The following SRGAP3 variants were observed in gnomAD, a reference collection of about 807,000 sequenced individuals.
SRGAP3 encodes SLIT-ROBO Rho GTPase-activating protein 3.
Under a neutral mutation model 121.1 loss-of-function variants are expected in SRGAP3, and 39 were observed. The observed-to-expected ratio is 0.32, with a 90% confidence interval of 0.25 to 0.42. The LOEUF is 0.42. Among genes scored for constraint, SRGAP3 ranks in the 10% least tolerant of loss-of-function variants. The pLI is 1.00. For missense variants in SRGAP3, 1,213 were observed against 1,470.6 expected (o/e 0.82, Z 2.86); for synonymous variants, 601 against 570.0 (o/e 1.05, Z -0.77).
intron 3 of SRGAP3, among the ~76,000 whole-genome samples, chr3:9,323,923 C>T (rs1182871604): frequency 2.0e-5 from 3 of 151,626 alleles, no homozygotes; most frequent in East Asian, 3.9e-4. Flanking sequence ...GAGCAATGAA[C>T]GATTTGCGAA....
chr3:9,306,559 A>G (rs969755479), intron 3 of SRGAP3, among the ~76,000 whole-genome samples: 5 of 152,220 alleles, frequency 3.3e-5, no homozygotes, highest in Admixed American at 3.3e-4. Flanking sequence ...TATAACATTT[A>G]AGTCTTTAAT....
rs78716729 is a variant in SRGAP3 at position 9,239,555 on chromosome 3, C to T, written c.67+9330G>A. Among the ~76,000 whole-genome samples, 1,123 of 152,240 alleles carry T rather than the reference C, an allele frequency of 7.4e-3. 4 individuals are homozygous for T. The highest frequency in any genetic ancestry group is 0.013 in the Non-Finnish European group (871 of 68,018). ...ATCACCTAGCACTGGCTATGCAATCCCAGGGGGAAGAGCCAGGTCCATTCA... is the reference window on the plus strand; with the variant it reads ...ATCACCTAGCACTGGCTATGCAATCTCAGGGGGAAGAGCCAGGTCCATTCA... On this transcript the variant is annotated intron_variant, in intron 1 of 21. Transcript: ENST00000383836. This position sits in a 1 kb window ranked among gnomAD's most constrained non-coding sequence, Gnocchi z 4.0.
chr3:9,031,791 T>C (rs1944498187), intron 12 of SRGAP3, among the ~76,000 whole-genome samples: 1 of 152,224 alleles, frequency 6.6e-6, no homozygotes, highest in Non-Finnish European at 1.5e-5. Flanking sequence ...ATCTATCATC[T>C]TCTCTGAAGA....
chr3:9,181,705 C>G (rs1951408839), intron 1 of SRGAP3, among the ~76,000 whole-genome samples: 1 of 152,174 alleles, frequency 6.6e-6, no homozygotes. Flanking sequence ...GCTCTTCTGG[C>G]TCCAGCCAGA....
chr3:9,064,320 AG>A, intron 5 of SRGAP3, 75 bp downstream of exon 5: 2 of 1,599,148 alleles, frequency 1.3e-6, no homozygotes, highest in Non-Finnish European at 1.7e-6. Flanking sequence ...GGGAAGGCTA[AG>A]GCTGTCCGCC....
At chr3:9,116,262 C>T (rs444529) in intron 2 of SRGAP3, among the ~76,000 whole-genome samples, 35,048 of 152,138 alleles carry the variant, frequency 0.23, 4,428 homozygotes, top group African/African-American at 0.33. Context: ...ATGCTATCCT[C>T]GGACATCATT....
At chr3:9,043,406 T>C (rs1022258061) in intron 10 of SRGAP3, among the ~76,000 whole-genome samples, 1 of 152,212 alleles carries the variant, frequency 6.6e-6, no homozygotes, top group Non-Finnish European at 1.5e-5. Context: ...CGTGTACCAC[T>C]ATCTCCCCAG....
At chr3:8,997,092 G>C (rs1286030009) in intron 18 of SRGAP3, among the ~76,000 whole-genome samples, 1 of 152,192 alleles carries the variant, frequency 6.6e-6, no homozygotes, top group African/African-American at 2.4e-5. Flanking sequence ...ACATAAGTGT[G>C]TGTGGTGGAA....
intron 4 of SRGAP3, among the ~76,000 whole-genome samples, chr3:9,076,434 T>C (rs1946977663): frequency 8.5e-6 from 1 of 117,354 alleles, no homozygotes; most frequent in African/African-American, 3.7e-5. Flanking sequence ...GTTAGGATCA[T>C]CCCTGTTTGG....
In SRGAP3 at chr3:8,990,574, C is replaced by T. The variant is rs371641995; in HGVS notation, c.2824G>A (p.Gly942Ser). Reference sequence around the variant, plus strand: ...CCTAGGCTGCTGTGCCTGGTGGAACCGCAGGTCGACCTCATCGAGTGCCCT... The same window carrying T: ...CCTAGGCTGCTGTGCCTGGTGGAACTGCAGGTCGACCTCATCGAGTGCCCT... ...SEGHSMRSTCGSTRHSSLGDH... is the reference protein window; with the variant it reads ...SEGHSMRSTCSSTRHSSLGDH... The change falls in exon 21 of 22, where the codon GGT becomes AGT. Residue 942 changes from glycine (G) to serine (S), a missense_variant. By Grantham distance (56) the Gly-to-Ser change is moderately conservative (BLOSUM62 0). Coordinates refer to ENST00000383836, the MANE Select transcript of SRGAP3 (RefSeq NM_014850.4). The T allele has an allele frequency of 4.4e-6, 7 of 1,589,226 alleles. No homozygotes were observed. Among genetic ancestry groups the T allele is most frequent in the African/African-American group, 2.7e-5 (2 of 74,570 alleles).
intron 11 of SRGAP3, among the ~76,000 whole-genome samples, chr3:9,033,080 G>A (rs1944572354): frequency 6.6e-6 from 1 of 152,142 alleles, no homozygotes; most frequent in South Asian, 2.1e-4. Flanking sequence ...AGATGGAGGG[G>A]GAATCAGGGG....
At chr3:9,206,363 G>A (rs1298058952) in intron 1 of SRGAP3, among the ~76,000 whole-genome samples, 7 of 152,142 alleles carry the variant, frequency 4.6e-5, no homozygotes, top group Admixed American at 2.0e-4. Flanking sequence ...TGACTGGTGC[G>A]GAAGCTCAGG....
chr3:9,037,943 T>C (rs1309617186), intron 11 of SRGAP3, 120 bp downstream of exon 11: 17 of 1,367,254 alleles, frequency 1.2e-5, no homozygotes, highest in Non-Finnish European at 1.7e-5. Context: ...ACACCGGCCC[T>C]TGGGGACATT....
rs532489931 is a variant in SRGAP3 at position 9,092,372 on chromosome 3, T to C, written c.424-12285A>G. Among the ~76,000 whole-genome samples the C allele has an allele frequency of 3.9e-5, 6 of 152,336 alleles. No individual in the cohort carries two copies. The South Asian group carries it at 1.2e-3, about 32-fold the overall frequency. ...TACTACTAATACTATGTGCTTATAA[T>C]ACATACCATTGTGGATAATAACAAT... On this transcript the variant is annotated intron_variant, in intron 3 of 21. Coordinates refer to ENST00000383836, the MANE Select transcript of SRGAP3 (RefSeq NM_014850.4).
chr3:9,343,268 G>C (rs897690268), intron 1 of SRGAP3, among the ~76,000 whole-genome samples: 1 of 152,174 alleles, frequency 6.6e-6, no homozygotes, highest in African/African-American at 2.4e-5. Flanking sequence ...CTCTTTGAAA[G>C]ACCAATTTTA....
chr3:9,047,312 G>T, intron 10 of SRGAP3, 79 bp downstream of exon 10: 1 of 1,458,948 alleles, frequency 6.9e-7, no homozygotes, highest in Non-Finnish European at 9.5e-7. Context: ...AGCCTGAACA[G>T]CTCAACACGT....
At chr3:9,022,704 C>T (rs965360826) in intron 14 of SRGAP3, among the ~76,000 whole-genome samples, 2 of 152,180 alleles carry the variant, frequency 1.3e-5, no homozygotes, top group African/African-American at 2.4e-5. Context: ...AAGAGACATA[C>T]TAGAACGATT....
At chr3:9,096,007 G>T (rs1300794726) in intron 3 of SRGAP3, among the ~76,000 whole-genome samples, 1 of 151,898 alleles carries the variant, frequency 6.6e-6, no homozygotes, top group African/African-American at 2.4e-5. Context: ...AGGAGTTCGA[G>T]GCTGCAGTGA....
At chr3:9,063,064 T>G (rs1946249954) in intron 5 of SRGAP3, among the ~76,000 whole-genome samples, 2 of 151,986 alleles carry the variant, frequency 1.3e-5, no homozygotes, top group African/African-American at 4.8e-5. Flanking sequence ...CCTGTGGGTA[T>G]GAAGTGATAG....
Sources: gnomAD v4.1 joint callset for allele counts (sites outside exome capture counted in the v4.1 genomes callset) on GRCh38, gnomAD v4.1.1 for gene constraint, Gnocchi (gnomAD v3.1) non-coding constraint, MANE v1.5 for transcripts, NCBI Gene and HGNC (gene_info 2026-07-23, HGNC 2026-07-21) for gene names.